ATP11A: variants seen among roughly 807,000 people sequenced by gnomAD.
ATP11A encodes the protein ATPase phospholipid transporting 11A, also known as phospholipid-transporting ATPase IH.
In ATP11A, 81 loss-of-function variants were observed where a neutral mutation model predicts 154.4. The observed-to-expected ratio is 0.52, with a 90% CI of 0.44 to 0.63. ATP11A has a LOEUF of 0.63. Among genes scored for constraint, ATP11A ranks in the 30% least tolerant of loss-of-function variants. The pLI, the probability that ATP11A is intolerant of heterozygous loss-of-function variation, is 0.00. For synonymous variants in ATP11A, 623 were observed against 585.9 expected (o/e 1.06, Z -0.91); for missense variants, 1,316 against 1,474.3 (o/e 0.89, Z 1.76).
intron 16 of ATP11A, among the ~76,000 whole-genome samples, chr13:112,840,773 C>T (rs1161351639): frequency 1.3e-5 from 2 of 151,982 alleles, no homozygotes; most frequent in Non-Finnish European, 2.9e-5. Context: ...GGAAGGAAGG[C>T]AAGGCGGACC....
At position 112,789,118 on chromosome 13, in the gene ATP11A, TAG is replaced by T; in HGVS notation, c.162+3863_162+3864del. Among the ~76,000 whole-genome samples, 2 of 151,110 alleles carry T rather than the reference TAG, an allele frequency of 1.3e-5. 1 individual carries two copies. Among genetic ancestry groups the T allele is most frequent in the Non-Finnish European group, 3.0e-5 (2 of 67,780 alleles). On this transcript the variant is annotated intron_variant, in intron 2 of 29. Transcript: ENST00000375645. Reference sequence around the variant, plus strand: ...AATTCACACCGGGTGTCCTGATGTATAGACCCTTGTGGTAGACCTACTTAATT... The same window carrying T: ...AATTCACACCGGGTGTCCTGATGTATACCCTTGTGGTAGACCTACTTAATT...
intron 29 of ATP11A, among the ~76,000 whole-genome samples, chr13:112,879,866 GTA>G (rs1566609888): frequency 1.3e-5 from 2 of 152,338 alleles, no homozygotes; most frequent in East Asian, 3.9e-4. Flanking sequence ...GGCCTCAGAT[GTA>G]TATGTTATAT....
Position 112,858,164 on chromosome 13 carries a change from C to T in ATP11A, c.2541C>T (p.Gly847=), listed in dbSNP as rs2079988765. The T allele has an allele frequency of 2.5e-6, 4 of 1,613,580 alleles. No homozygotes were observed. The highest frequency in any genetic ancestry group is 2.2e-5 in the East Asian group (1 of 44,890). The change falls in exon 22 of 30, where the codon GGC becomes GGT. Residue 847 remains glycine (G), a synonymous_variant. Coordinates refer to ENST00000375645, the MANE Select transcript of ATP11A (RefSeq NM_015205.3). ...TTCTAGGTGTCATCGGCAAGGAAGGCCGCCAGGCTGCCAGGAACAGCGACT... is the reference window on the plus strand; with the variant it reads ...TTCTAGGTGTCATCGGCAAGGAAGGTCGCCAGGCTGCCAGGAACAGCGACT... ...HVGIGVIGKE[G]RQAARNSDYA...
At chr13:112,781,747 A>G (rs1448925690) in intron 1 of ATP11A, among the ~76,000 whole-genome samples, 2 of 119,844 alleles carry the variant, frequency 1.7e-5, no homozygotes, top group African/African-American at 6.0e-5. Context: ...CTGTTCTTTT[A>G]TTCATTTGCT....
chr13:112,744,411 ATG>A (rs1421133554), intron 1 of ATP11A, among the ~76,000 whole-genome samples: 1 of 152,136 alleles, frequency 6.6e-6, no homozygotes, highest in East Asian at 1.9e-4. Context: ...CTGTATGTTG[ATG>A]TGTGTTGATG....
At chr13:112,788,409 T>C (rs1353129418) in intron 2 of ATP11A, among the ~76,000 whole-genome samples, 1 of 150,180 alleles carries the variant, frequency 6.7e-6, no homozygotes, top group African/African-American at 2.5e-5. Flanking sequence ...TATAGACCCT[T>C]GCGGAGACCT....
chr13:112,853,742 G>A (rs963603553), intron 18 of ATP11A, among the ~76,000 whole-genome samples: 7 of 152,210 alleles, frequency 4.6e-5, no homozygotes, highest in African/African-American at 1.7e-4. Context: ...CATGTGGCAA[G>A]CCCATGGCAC....
chr13:112,806,115 C>A (rs1364043231), intron 3 of ATP11A, 98 bp from the exon 4 acceptor site: 2 of 835,808 alleles, frequency 2.4e-6, no homozygotes, highest in South Asian at 1.6e-5. Context: ...TTAAATAAGT[C>A]AAAGCGAATG....
rs1384367080 is a variant in ATP11A at position 112,746,842 on chromosome 13, G to A, written c.40-38293G>A. ...CTAAGTGCTGGGATTACAGCTGTGAGCTGCTGTGCCTGGCCTCATTGTGGT... is the reference window on the plus strand; with the variant it reads ...CTAAGTGCTGGGATTACAGCTGTGAACTGCTGTGCCTGGCCTCATTGTGGT... On this transcript the variant is annotated intron_variant, in intron 1 of 29. Transcript: ENST00000375645. This position sits in a 1 kb window ranked among gnomAD's most constrained non-coding sequence, Gnocchi z 4.1. The A allele has an allele frequency of 6.6e-6, 1 of 152,074 alleles. No individual in the cohort carries two copies. The highest frequency in any genetic ancestry group is 1.5e-5 in the Non-Finnish European group (1 of 68,040). The allele number at this position is 152,074 out of a possible 1,614,324, so 9.4% of individuals were successfully genotyped here. A position where few individuals can be genotyped will look rare whatever the true frequency, so the allele number is the denominator to read the frequency against.
In ATP11A at chr13:112,805,930, G is replaced by A. The variant is rs139323000; in HGVS notation, c.253-283G>A. 2.2e-3 allele frequency among the ~76,000 whole-genome samples: 329 copies of A among 151,804 alleles called. 5 individuals carry two copies. The highest frequency in any genetic ancestry group is 0.02 in the East Asian group (104 of 5,154). On this transcript the variant is annotated intron_variant, in intron 3 of 29. Transcript: ENST00000375645. ...GTAATTAAAATGTGACACTGAGGCC[G>A]TGGGGTGAATTAATACAAGGCGTGC...
At chr13:112,741,838 G>C (rs763385302) in intron 1 of ATP11A, among the ~76,000 whole-genome samples, 5 of 152,112 alleles carry the variant, frequency 3.3e-5, no homozygotes, top group Non-Finnish European at 5.9e-5. Context: ...GGGTCCAGGG[G>C]AGTAAAGAGT....
chr13:112,803,914 C>T lies in ATP11A; in HGVS notation c.163-1043C>T, dbSNP rs374285050. Among the ~76,000 whole-genome samples, 140 of 78,044 alleles carry T rather than the reference C, an allele frequency of 1.8e-3. 2 individuals are homozygous for T. The highest frequency in any genetic ancestry group is 6.0e-3 in the African/African-American group (113 of 18,942). The allele number at this position is 78,044 out of a possible 152,430, so 51.2% of individuals were successfully genotyped here. On this transcript the variant is annotated intron_variant, in intron 2 of 29. Coordinates refer to ENST00000375645, the MANE Select transcript of ATP11A (RefSeq NM_015205.3). ...TCCCCTCCTTCCCTCCTTCACCTCC[C>T]TCCCCCCATCCCCTCTCTGCCCTCC...
rs1335531057 is a variant in ATP11A, at chr13:112,886,696, C to G, written c.*4830C>G. The G allele has an allele frequency of 6.6e-6, 1 of 152,464 alleles. No homozygotes were observed. Among genetic ancestry groups the G allele is most frequent in the Non-Finnish European group, 1.5e-5 (1 of 68,018 alleles). 9.4% of individuals were successfully genotyped at this position (152,464 alleles called of 1,614,324 possible). Reference sequence around the variant, plus strand: ...TCAATTTATATAGCTTTATTTTTTACTTTATCAAAGTATACAGAATTTTAA... The same window carrying G: ...TCAATTTATATAGCTTTATTTTTTAGTTTATCAAAGTATACAGAATTTTAA... On this transcript the variant is annotated 3_prime_UTR_variant, in exon 30 of 30. Transcript: ENST00000375645.
intron 1 of ATP11A, among the ~76,000 whole-genome samples, chr13:112,752,448 C>G (rs1327553035): frequency 6.6e-6 from 1 of 152,152 alleles, no homozygotes; most frequent in East Asian, 1.9e-4. Flanking sequence ...GCGGGCGCCC[C>G]TGTGTGGAGC....
Position 112,882,699 on chromosome 13 carries a change from C to A in ATP11A, c.*833C>A, listed in dbSNP as rs562100483. 2.4e-3 allele frequency: 973 copies of A among 400,060 alleles called. 2 individuals carry two copies. The highest frequency in any genetic ancestry group is 0.012 in the African/African-American group (585 of 48,758). 24.8% of individuals were successfully genotyped at this position (400,060 alleles called of 1,614,324 possible). A position where few individuals can be genotyped will look rare whatever the true frequency, so the allele number is the denominator to read the frequency against. ...ACAAGGCCACGCCGGCAGCTTCCAG[C>A]CCTGCCGCAGAAGTGCCAGGATGTC... On this transcript the variant is annotated 3_prime_UTR_variant, in exon 30 of 30. Coordinates refer to ENST00000375645, the MANE Select transcript of ATP11A (RefSeq NM_015205.3). The surrounding 1 kb of genome is among the most constrained non-coding windows in gnomAD (Gnocchi z 5.1).
chr13:112,700,747 G>A (rs1470018801), intron 1 of ATP11A, among the ~76,000 whole-genome samples: 2 of 152,186 alleles, frequency 1.3e-5, no homozygotes, highest in African/African-American at 4.8e-5. Context: ...TCCAACATGC[G>A]GTCTCAAACC....
chr13:112,877,890 C>G (rs2080776947), intron 28 of ATP11A, among the ~76,000 whole-genome samples: 2 of 152,182 alleles, frequency 1.3e-5, no homozygotes, highest in South Asian at 4.1e-4. Context: ...CCTCCCCGTC[C>G]CACCCTTTGT....
At chr13:112,854,555 C>G in intron 19 of ATP11A, 25 bp downstream of exon 19, 2 of 1,589,794 alleles carry the variant, frequency 1.3e-6, no homozygotes, top group Non-Finnish European at 1.7e-6. Context: ...CCCGCCCCCA[C>G]CCCCACACTC....
chr13:112,789,328 C>T (rs1336625437), intron 2 of ATP11A, among the ~76,000 whole-genome samples: 1 of 150,514 alleles, frequency 6.6e-6, no homozygotes, highest in African/African-American at 2.5e-5. Flanking sequence ...CTGTGGAGAC[C>T]TACTTAATTC....
Sources: allele counts gnomAD v4.1 joint callset (sites outside exome capture counted in the v4.1 genomes callset), GRCh38; gene constraint gnomAD v4.1.1; non-coding constraint Gnocchi (gnomAD v3.1); transcripts MANE v1.5; gene names NCBI Gene and HGNC (gene_info 2026-07-23, HGNC 2026-07-21).